Variants in PKN2 observed in about 807,000 individuals in gnomAD.
The protein encoded by PKN2 is protein kinase N2.
In PKN2, 38 loss-of-function variants were observed where a neutral mutation model predicts 119.1. That is an observed-to-expected ratio of 0.32 (90% CI 0.25 to 0.42). The LOEUF (loss-of-function observed/expected upper bound fraction) is 0.42, where lower values mean the gene tolerates loss of function less well. Among genes scored for constraint, PKN2 ranks in the 10% least tolerant of loss-of-function variants. The probability of loss-of-function intolerance (pLI) is 1.00; values close to 1 mark genes in which losing one functional copy is unlikely to be tolerated. For synonymous variants in PKN2, 390 were observed against 384.9 expected, an observed-to-expected ratio of 1.01 and a Z score of -0.15; for missense variants, 850 against 1,165.1, an observed-to-expected ratio of 0.73 and a Z score of 3.94.
At chr1:88,805,318 T>G (rs1671492730) in intron 10 of PKN2, among the ~76,000 whole-genome samples, 179 bp from the exon 11 acceptor site, 1 of 152,214 alleles carries the variant, frequency 6.6e-6, no homozygotes. Flanking sequence ...TTTTTAAAAC[T>G]ACGTATGCTA....
At chr1:88,742,384 A>C (rs980334011) in intron 2 of PKN2, among the ~76,000 whole-genome samples, 5 of 152,160 alleles carry the variant, frequency 3.3e-5, no homozygotes, top group Admixed American at 2.0e-4. Context: ...TTTCGACATC[A>C]CTTTCAACAT....
chr1:88,812,327 A>G (rs1310718644), intron 15 of PKN2, among the ~76,000 whole-genome samples: 2 of 152,208 alleles, frequency 1.3e-5, no homozygotes, highest in Non-Finnish European at 2.9e-5. Context: ...AATGGGTCTC[A>G]AATGTTTTAT....
chr1:88,797,053 GC>G (rs1274165249), intron 8 of PKN2, among the ~76,000 whole-genome samples: 1 of 152,024 alleles, frequency 6.6e-6, no homozygotes, highest in Admixed American at 6.6e-5. Context: ...AAATGTCAGG[GC>G]CAGGCACAGT....
chr1:88,826,090 A>C (rs1672487263), intron 18 of PKN2, among the ~76,000 whole-genome samples: 1 of 151,952 alleles, frequency 6.6e-6, no homozygotes, highest in African/African-American at 2.4e-5. Flanking sequence ...TCACTATTCT[A>C]CCTTATCTTG....
intron 1 of PKN2, among the ~76,000 whole-genome samples, chr1:88,706,749 A>C (rs1380915633): frequency 6.6e-6 from 1 of 152,004 alleles, no homozygotes; most frequent in Non-Finnish European, 1.5e-5. Context: ...TTCTTTTTTT[A>C]GCATCATTGC....
Position 88,813,705 on chromosome 1 carries a change from A to G in PKN2, c.2251A>G (p.Thr751Ala), listed in dbSNP as rs1444218188. 6.3e-7 allele frequency: 1 copy of G among 1,598,544 alleles called. No homozygotes were observed. Among genetic ancestry groups the G allele is most frequent in the African/African-American group, 1.4e-5 (1 of 73,638 alleles). Residue 751 changes from threonine to alanine, a missense_variant, in exon 16 of 22, where the codon ACT (threonine) becomes GCT (alanine). Physicochemically the swap from Thr to Ala is moderately conservative, Grantham distance 58. This residue lies in a region of PKN2 where 55 missense variants were observed against 85.9 expected (regional missense o/e 0.64). Transcript: ENST00000370521. ...TGGGGACCTAATGATGCACATTCAT[A>G]CTGATGTCTTTTCTGAACCAAGAGC... Reference protein sequence around the residue: ...AGGDLMMHIHTDVFSEPRAVF... With the variant: ...AGGDLMMHIHADVFSEPRAVF...
intron 1 of PKN2, among the ~76,000 whole-genome samples, chr1:88,694,557 T>C (rs1034987434): frequency 1.3e-5 from 2 of 152,228 alleles, no homozygotes; most frequent in Non-Finnish European, 2.9e-5. Flanking sequence ...TTGGCAGTTA[T>C]GAATAAAATG....
At chr1:88,782,495 C>T (rs1670386468) in intron 6 of PKN2, among the ~76,000 whole-genome samples, 1 of 151,928 alleles carries the variant, frequency 6.6e-6, no homozygotes, top group African/African-American at 2.4e-5. Flanking sequence ...AATATATGCA[C>T]TGTTCTTTGT....
rs1570659970 is a variant in PKN2, at chr1:88,806,648, A to G, written c.1803+631A>G. Among the ~76,000 whole-genome samples the G allele has an allele frequency of 4.6e-5, 7 of 152,314 alleles. No individual in the cohort carries two copies. The South Asian group carries it at 1.5e-3, about 32-fold the overall frequency. The stretch of plus-strand genomic sequence containing the variant: ...AGGAGTGTGGTTGATACTACATGAC[A>G]TACTGCCTGAAATACTATTCTTCTT... On this transcript the variant is annotated intron_variant, in intron 12 of 21. Transcript: ENST00000370521.
chr1:88,828,569 G>A lies in PKN2; in HGVS notation c.2508G>A (p.Arg836=), dbSNP rs1672602020. Residue 836 remains arginine, a synonymous_variant, in exon 19 of 22, where the codon AGG becomes AGA. Coordinates refer to ENST00000370521, the MANE Select transcript of PKN2 (RefSeq NM_006256.4). ...TATTAACAGAAACTTCTTATACAAG[G>A]GCTGTAGATTGGTGGGGCCTTGGCG... is the stretch of plus-strand genomic sequence containing the variant. ...PEVLTETSYT[R]AVDWWGLGVL... The A allele has an allele frequency of 6.2e-7, 1 of 1,613,344 alleles. No individual in the cohort carries two copies. The highest frequency in any genetic ancestry group is 8.5e-7 in the Non-Finnish European group (1 of 1,179,500).
At chr1:88,788,386 A>C (rs1176623751) in intron 8 of PKN2, among the ~76,000 whole-genome samples, 1 of 152,206 alleles carries the variant, frequency 6.6e-6, no homozygotes, top group Non-Finnish European at 1.5e-5. Flanking sequence ...CATTTTACAA[A>C]CTAAGGAAAT....
At chr1:88,705,954 A>C (rs1241130389) in intron 1 of PKN2, among the ~76,000 whole-genome samples, 3 of 151,762 alleles carry the variant, frequency 2.0e-5, no homozygotes, top group Non-Finnish European at 4.4e-5. Context: ...CTCCTTTTTC[A>C]AATTTGTTTT....
intron 2 of PKN2, among the ~76,000 whole-genome samples, chr1:88,747,394 T>G (rs775587592): frequency 3.3e-5 from 5 of 152,134 alleles, no homozygotes; most frequent in Admixed American, 6.5e-5. Flanking sequence ...TGATTAGAAA[T>G]AAAAATAGTT....
rs978461378 is a variant in PKN2, at chr1:88,776,245, C to G, written c.985+4366C>G. Among the ~76,000 whole-genome samples, 5 of 134,210 alleles carry G rather than the reference C, an allele frequency of 3.7e-5. No homozygotes were observed. In the South Asian group the frequency reaches 8.6e-4, roughly 23 times the overall value. The allele number at this position is 134,210 out of a possible 152,430, so 88.0% of individuals were successfully genotyped here. On this transcript the variant is annotated intron_variant, in intron 6 of 21. Transcript: ENST00000370521. ...CCCCCTTGCCCTCCCTGACACTGCCCCCACCCCGCCCCACCCGTCACTTCT... is the reference window on the plus strand; with the variant it reads ...CCCCCTTGCCCTCCCTGACACTGCCGCCACCCCGCCCCACCCGTCACTTCT...
At chr1:88,781,389 T>G (rs535345633) in intron 6 of PKN2, among the ~76,000 whole-genome samples, 1 of 147,598 alleles carries the variant, frequency 6.8e-6, no homozygotes, top group East Asian at 1.9e-4. Flanking sequence ...AGTTGCCTAA[T>G]CATACCATGA....
chr1:88,691,549 A>G (rs1289554691), intron 1 of PKN2, among the ~76,000 whole-genome samples: 1 of 152,262 alleles, frequency 6.6e-6, no homozygotes, highest in Non-Finnish European at 1.5e-5. Flanking sequence ...TTAATCACCT[A>G]TCTGTCTGTC....
chr1:88,807,638 A>G (rs761212917), intron 14 of PKN2, 34 bp downstream of exon 14: 1 of 1,570,942 alleles, frequency 6.4e-7, no homozygotes, highest in Admixed American at 1.7e-5. Context: ...AATATCTACA[A>G]CATTAATAAC....
intron 1 of PKN2, 49 bp downstream of exon 1, chr1:88,684,677 A>T (rs1332889906): frequency 6.9e-7 from 1 of 1,444,676 alleles, no homozygotes. Flanking sequence ...AGACAGGGAG[A>T]GAGCCCCGCG....
chr1:88,739,164 G>T (rs1310056243), intron 1 of PKN2, among the ~76,000 whole-genome samples: 1 of 151,852 alleles, frequency 6.6e-6, no homozygotes, highest in South Asian at 2.1e-4. Context: ...TTTTGTTGGC[G>T]TTTCAAAGGA....
Sources: gnomAD v4.1 joint callset for allele counts (sites outside exome capture counted in the v4.1 genomes callset) on GRCh38, gnomAD v4.1.1 for gene constraint, gnomAD v4.1.1 regional missense constraint, MANE v1.5 for transcripts, NCBI Gene and HGNC (gene_info 2026-07-23, HGNC 2026-07-21) for gene names.